RANBP2: variants seen among roughly 807,000 people sequenced by gnomAD.
RANBP2 encodes RAN binding protein 2.
A neutral mutation model predicts 303.6 loss-of-function variants in RANBP2; 57 were observed. The observed-to-expected ratio is 0.19, with a 90% CI of 0.15 to 0.23. The LOEUF is 0.23. Ranked by LOEUF, RANBP2 falls within the 10% of genes least tolerant of loss-of-function variation. The probability of loss-of-function intolerance (pLI) is 1.00; values close to 1 mark genes in which losing one functional copy is unlikely to be tolerated. For synonymous variants in RANBP2, 1,167 were observed against 1,301.5 expected, an observed-to-expected ratio of 0.90 and a Z score of 2.23; for missense variants, 3,138 against 3,780.8, an observed-to-expected ratio of 0.83 and a Z score of 4.46.
chr2:109,541,238 ACCCCATTC>A, the RANBP2 span, among the ~76,000 whole-genome samples: 1 of 152,140 alleles, frequency 6.6e-6, no homozygotes, highest in East Asian at 1.9e-4. Flanking sequence ...CCCTCGATTT[ACCCCATTC>A]CTAACTTTCA....
chr2:109,564,540 C>CA, the RANBP2 span: 23,442 of 1,431,580 alleles, frequency 0.016, 157 homozygotes, highest in East Asian at 0.02. Flanking sequence ...TTCCACTAGC[C>CA]AAAAAAAAAT....
the RANBP2 span, among the ~76,000 whole-genome samples, chr2:109,340,201 C>T: frequency 1.3e-5 from 2 of 152,138 alleles, no homozygotes; most frequent in Non-Finnish European, 2.9e-5. Context: ...TCCTGTCTCT[C>T]GGACCTTGGA....
the RANBP2 span, among the ~76,000 whole-genome samples, chr2:109,413,952 A>T: frequency 6.6e-6 from 1 of 152,324 alleles, no homozygotes; most frequent in African/African-American, 2.4e-5. Flanking sequence ...GCGCCTGTGC[A>T]TGTCAGCATT....
chr2:108,798,950 C>T, the RANBP2 span, among the ~76,000 whole-genome samples: 2 of 151,988 alleles, frequency 1.3e-5, no homozygotes, highest in Admixed American at 1.3e-4. Flanking sequence ...ATTCTCCAGA[C>T]CATTAGCGCA....
the RANBP2 span, among the ~76,000 whole-genome samples, chr2:108,900,845 C>T: frequency 6.6e-6 from 1 of 152,214 alleles, no homozygotes; most frequent in Admixed American, 6.5e-5. Context: ...TCCAAGAAGA[C>T]ATAGCAATCC....
At chr2:108,827,997 G>A in the RANBP2 span, among the ~76,000 whole-genome samples, 2 of 151,776 alleles carry the variant, frequency 1.3e-5, no homozygotes, top group East Asian at 1.9e-4. Context: ...GGAACAGAAC[G>A]TGACCACAAA....
chr2:109,289,708 G>C, the RANBP2 span, among the ~76,000 whole-genome samples: 1 of 152,156 alleles, frequency 6.6e-6, no homozygotes, highest in African/African-American at 2.4e-5. Flanking sequence ...GATGAAACAT[G>C]ATATGACTTC....
At chr2:109,634,183 T>A in the RANBP2 span, among the ~76,000 whole-genome samples, 2 of 146,628 alleles carry the variant, frequency 1.4e-5, no homozygotes, top group Non-Finnish European at 3.0e-5. Flanking sequence ...ACTGAATGTA[T>A]TCAAAGATAT....
At chr2:108,900,513 C>T in the RANBP2 span, among the ~76,000 whole-genome samples, 1 of 149,300 alleles carries the variant, frequency 6.7e-6, no homozygotes, top group Non-Finnish European at 1.5e-5. Flanking sequence ...AAGATCATGC[C>T]ATTGCACTCC....
the RANBP2 span, among the ~76,000 whole-genome samples, chr2:109,553,495 G>A: frequency 6.7e-6 from 1 of 150,340 alleles, no homozygotes; most frequent in Non-Finnish European, 1.5e-5. Flanking sequence ...AGTGAGCTGA[G>A]ATCATGCCAC....
chr2:109,597,581 G>A, the RANBP2 span, among the ~76,000 whole-genome samples: 2 of 152,138 alleles, frequency 1.3e-5, no homozygotes, highest in Non-Finnish European at 2.9e-5. Context: ...TGACTACACA[G>A]TCAATTTGCT....
At chr2:108,726,044 A>G (rs1207992124) in intron 1 of RANBP2, among the ~76,000 whole-genome samples, 1 of 152,098 alleles carries the variant, frequency 6.6e-6, no homozygotes, top group East Asian at 1.9e-4. Flanking sequence ...CTTCTTATCC[A>G]CAGTATTGCC....
the RANBP2 span, among the ~76,000 whole-genome samples, chr2:109,188,490 C>T: frequency 6.6e-6 from 1 of 152,208 alleles, no homozygotes; most frequent in African/African-American, 2.4e-5. Flanking sequence ...TGTGTTGTCC[C>T]TGGGTTTGGC....
the RANBP2 span, among the ~76,000 whole-genome samples, chr2:109,723,339 C>T: frequency 2.6e-5 from 4 of 151,908 alleles, no homozygotes; most frequent in Non-Finnish European, 5.9e-5. Context: ...TTAGTAGAGA[C>T]GTTTCACCCT....
At chr2:109,205,544 C>T in the RANBP2 span, among the ~76,000 whole-genome samples, 6 of 152,134 alleles carry the variant, frequency 3.9e-5, no homozygotes, top group South Asian at 2.1e-4. Flanking sequence ...CACTGTGCCC[C>T]GCCCAACTTA....
At chr2:108,794,631 A>G in the RANBP2 span, 26 of 1,614,012 alleles carry the variant, frequency 1.6e-5, no homozygotes, top group South Asian at 2.2e-5. Context: ...TCAGCTGTCC[A>G]AAATCTAAAG....
the RANBP2 span, among the ~76,000 whole-genome samples, chr2:108,943,033 A>G: frequency 6.6e-6 from 1 of 152,210 alleles, no homozygotes; most frequent in Admixed American, 6.5e-5. Context: ...GTGCAGGGCT[A>G]TAAATAACCA....
chr2:108,997,308 G>T, the RANBP2 span, among the ~76,000 whole-genome samples: 2 of 151,976 alleles, frequency 1.3e-5, no homozygotes, highest in African/African-American at 4.8e-5. Flanking sequence ...AGATGTGGCG[G>T]CGTGCGCCTG....
At chr2:109,609,949 T>A in the RANBP2 span, among the ~76,000 whole-genome samples, 21 of 152,096 alleles carry the variant, frequency 1.4e-4, no homozygotes, top group Admixed American at 2.6e-4. Context: ...TAACTAATTA[T>A]ACAGCCAGGA....
Sources: allele counts gnomAD v4.1 joint callset (sites outside exome capture counted in the v4.1 genomes callset), GRCh38; gene constraint gnomAD v4.1.1; transcripts MANE v1.5; gene names NCBI Gene and HGNC (gene_info 2026-07-23, HGNC 2026-07-21).